TOX: variants seen among roughly 807,000 people sequenced by gnomAD.
TOX encodes the protein thymocyte selection-associated high mobility group box protein TOX.
In TOX, 11 loss-of-function variants were observed where a neutral mutation model predicts 53.7. The observed-to-expected ratio is 0.20, with a 90% CI of 0.13 to 0.34. The LOEUF is 0.34. TOX is among the 10% of genes least tolerant of loss of function. The pLI is 1.00. For missense variants in TOX, 570 were observed against 664.6 expected, an observed-to-expected ratio of 0.86 and a Z score of 1.56; for synonymous variants, 225 against 245.3, an observed-to-expected ratio of 0.92 and a Z score of 0.77.
intron 1 of TOX, among the ~76,000 whole-genome samples, chr8:58,989,979 C>T (rs995822975): frequency 6.6e-6 from 1 of 152,184 alleles, no homozygotes; most frequent in African/African-American, 2.4e-5. Context: ...GACACAAAGT[C>T]CTCAGTGCTG....
intron 3 of TOX, among the ~76,000 whole-genome samples, chr8:58,933,970 C>T (rs1812303111): frequency 6.6e-6 from 1 of 152,142 alleles, no homozygotes; most frequent in South Asian, 2.1e-4. Context: ...TTATCCATGG[C>T]TCTCATTTCA....
At chr8:59,036,790 G>T (rs1585978875) in intron 1 of TOX, among the ~76,000 whole-genome samples, 1 of 152,258 alleles carries the variant, frequency 6.6e-6, no homozygotes, top group South Asian at 2.1e-4. Context: ...GTGTGACTAT[G>T]ATGTTATTTG....
intron 1 of TOX, among the ~76,000 whole-genome samples, chr8:59,103,931 G>A (rs1250717373): frequency 6.6e-6 from 1 of 152,084 alleles, no homozygotes; most frequent in Non-Finnish European, 1.5e-5. Context: ...TAATGTCTGG[G>A]CTTATCAATT....
chr8:58,995,247 T>C (rs1227882634), intron 1 of TOX, among the ~76,000 whole-genome samples: 1 of 152,248 alleles, frequency 6.6e-6, no homozygotes, highest in African/African-American at 2.4e-5. Context: ...CCTAATGTGA[T>C]TTGGTTTTTT....
At chr8:59,009,466 G>A (rs10097311) in intron 1 of TOX, among the ~76,000 whole-genome samples, 13,024 of 151,818 alleles carry the variant, frequency 0.086, 640 homozygotes, top group Middle Eastern at 0.13. Context: ...TCCGCCTCCC[G>A]GGTTCAAGCG....
intron 3 of TOX, among the ~76,000 whole-genome samples, chr8:58,914,554 G>C (rs1193404284): frequency 6.6e-6 from 1 of 152,062 alleles, no homozygotes; most frequent in African/African-American, 2.4e-5. Context: ...AGGGGGTGGG[G>C]GACAGAAATA....
At chr8:59,033,054 A>G (rs937844652) in intron 1 of TOX, among the ~76,000 whole-genome samples, 1 of 152,042 alleles carries the variant, frequency 6.6e-6, no homozygotes, top group African/African-American at 2.4e-5. Flanking sequence ...AAAGAAAAGA[A>G]AAGAAAACAA....
At chr8:58,931,104 G>A (rs1306545142) in intron 3 of TOX, among the ~76,000 whole-genome samples, 1 of 152,126 alleles carries the variant, frequency 6.6e-6, no homozygotes, top group Non-Finnish European at 1.5e-5. Context: ...TACAAGATGG[G>A]AAACTGCTGG....
intron 3 of TOX, among the ~76,000 whole-genome samples, chr8:58,869,225 CAAAAAAAAAA>C (rs59540993): frequency 1.1e-5 from 1 of 90,880 alleles, no homozygotes; most frequent in Non-Finnish European, 2.2e-5. Context: ...GACTGCGTCT[CAAAAAAAAAA>C]AAAAAAAAGC....
chr8:58,842,187 G>A (rs141486249), intron 4 of TOX, among the ~76,000 whole-genome samples: 244 of 152,274 alleles, frequency 1.6e-3, no homozygotes, highest in African/African-American at 5.6e-3. Flanking sequence ...GTTTCCAGAG[G>A]AGACTGGGGT....
chr8:58,973,844 C>T (rs1437798158), intron 1 of TOX, among the ~76,000 whole-genome samples: 1 of 151,910 alleles, frequency 6.6e-6, no homozygotes. Context: ...GTCACCCAGG[C>T]TGGAGTGTAG....
chr8:58,850,546 G>A (rs1208864472), intron 4 of TOX, among the ~76,000 whole-genome samples: 1 of 152,138 alleles, frequency 6.6e-6, no homozygotes, highest in African/African-American at 2.4e-5. Context: ...GGCTTCATAT[G>A]TGAGAGTTTT....
chr8:58,981,197 T>G (rs941647720), intron 1 of TOX, among the ~76,000 whole-genome samples: 7 of 152,200 alleles, frequency 4.6e-5, no homozygotes, highest in African/African-American at 1.7e-4. Flanking sequence ...TTTCTGGCTC[T>G]GATTAGAACT....
intron 1 of TOX, among the ~76,000 whole-genome samples, chr8:59,109,029 TA>T (rs1402823164): frequency 6.6e-6 from 1 of 152,130 alleles, no homozygotes; most frequent in East Asian, 1.9e-4. Context: ...ATTAAGAAAA[TA>T]ATATCTCACC....
chr8:59,063,776 A>G (rs1249488241), intron 1 of TOX, among the ~76,000 whole-genome samples: 1 of 152,172 alleles, frequency 6.6e-6, no homozygotes, highest in Admixed American at 6.5e-5. Context: ...CTATAAAAGC[A>G]TATTCCAGCT....
chr8:58,937,573 G>A (rs28523574), intron 3 of TOX, among the ~76,000 whole-genome samples: 1 of 152,204 alleles, frequency 6.6e-6, no homozygotes, highest in Non-Finnish European at 1.5e-5. Flanking sequence ...ATAAGCATTT[G>A]TTTAAGAGTG....
At chr8:58,947,638 T>C (rs1435410171) in intron 2 of TOX, among the ~76,000 whole-genome samples, 1 of 152,142 alleles carries the variant, frequency 6.6e-6, no homozygotes, top group Non-Finnish European at 1.5e-5. Flanking sequence ...ATAAAGATAG[T>C]GAATTAGAAG....
chr8:58,930,581 G>T (rs6471761), intron 3 of TOX, among the ~76,000 whole-genome samples: 2 of 152,124 alleles, frequency 1.3e-5, no homozygotes, highest in East Asian at 1.9e-4. Flanking sequence ...GGTAGGAGAG[G>T]GAGGACAGAA....
intron 3 of TOX, among the ~76,000 whole-genome samples, chr8:58,908,762 T>G (rs987761456): frequency 9.2e-5 from 14 of 152,348 alleles, no homozygotes; most frequent in African/African-American, 3.4e-4. Flanking sequence ...ATATATTTAC[T>G]GAATAAATTA....
Sources: allele counts gnomAD v4.1 joint callset (sites outside exome capture counted in the v4.1 genomes callset), GRCh38; gene constraint gnomAD v4.1.1; transcripts MANE v1.5; gene names NCBI Gene and HGNC (gene_info 2026-07-23, HGNC 2026-07-21).